Variants in ENOX2 observed in about 807,000 individuals in gnomAD.
The protein encoded by ENOX2 is APK1 antigen.
In ENOX2, 36 loss-of-function variants were observed where a neutral mutation model predicts 45.0. The ratio of observed to expected loss-of-function variants is 0.80; its 90% CI spans 0.61 to 1.06. ENOX2 has a LOEUF of 1.06. Among genes scored for constraint, ENOX2 ranks in the 50% least tolerant of loss-of-function variants. The probability of loss-of-function intolerance (pLI) is 0.00; values close to 1 mark genes in which losing one functional copy is unlikely to be tolerated. For synonymous variants in ENOX2, 174 were observed against 152.3 expected (o/e 1.14, Z -1.05); for missense variants, 423 against 462.5 (o/e 0.91, Z 0.78).
chrX:130,763,972 G>A (rs2039555412), intron 3 of ENOX2, among the ~76,000 whole-genome samples: 1 of 110,737 alleles, frequency 9.0e-6, no homozygotes, highest in Non-Finnish European at 1.9e-5. Flanking sequence ...AAGAGCGTAC[G>A]CTTTTGTTGG....
At chrX:130,725,717 T>A (rs16999756) in intron 3 of ENOX2, among the ~76,000 whole-genome samples, 12,052 of 110,424 alleles carry the variant, frequency 0.11, 1,255 homozygotes, top group African/African-American at 0.32. Flanking sequence ...GTTTGCAGGA[T>A]TACTAGTGAA....
At chrX:130,693,913 C>T (rs1405840504) in intron 4 of ENOX2, among the ~76,000 whole-genome samples, 1 of 111,757 alleles carries the variant, frequency 8.9e-6, no homozygotes, top group Non-Finnish European at 1.9e-5. Flanking sequence ...AGGCTGACTA[C>T]CCTGCTAGAG....
intron 4 of ENOX2, among the ~76,000 whole-genome samples, chrX:130,700,757 C>A (rs1282055247): frequency 1.8e-5 from 2 of 111,546 alleles, no homozygotes; most frequent in Non-Finnish European, 3.8e-5. Context: ...CCACAGTAAT[C>A]CTGTGAGCTA....
At chrX:130,822,357 G>A (rs915901024) in intron 2 of ENOX2, among the ~76,000 whole-genome samples, 21 of 112,013 alleles carry the variant, frequency 1.9e-4, no homozygotes, top group Non-Finnish European at 3.6e-4. Context: ...GATATTTTCC[G>A]AGGCTAGCAA....
intron 12 of ENOX2, 123 bp downstream of exon 12, chrX:130,634,861 T>C (rs758502882): frequency 7.6e-5 from 33 of 436,040 alleles, no homozygotes; most frequent in African/African-American, 7.3e-4. Flanking sequence ...GGGCTTTTAA[T>C]TCCCAATCGG....
At chrX:130,665,860 T>C (rs2036822064) in intron 8 of ENOX2, 111 bp from the exon 9 acceptor site, 5 of 502,487 alleles carry the variant, frequency 1.0e-5, no homozygotes, top group Middle Eastern at 1.1e-3. Flanking sequence ...TTGTATCTTG[T>C]TGTTATGACA....
chrX:130,804,280 T>G (rs1356994445), intron 2 of ENOX2, among the ~76,000 whole-genome samples: 1 of 112,080 alleles, frequency 8.9e-6, no homozygotes, highest in Non-Finnish European at 1.9e-5. Flanking sequence ...ATACTTATAT[T>G]TAGTGTCTTA....
intron 2 of ENOX2, among the ~76,000 whole-genome samples, chrX:130,792,779 G>A (rs1006787438): frequency 8.9e-6 from 1 of 111,816 alleles, no homozygotes; most frequent in African/African-American, 3.3e-5. Flanking sequence ...GGCTGACAGA[G>A]CAAGGCTCCA....
At chrX:130,654,338 T>C (rs1205516475) in intron 10 of ENOX2, among the ~76,000 whole-genome samples, 3 of 110,383 alleles carry the variant, frequency 2.7e-5, no homozygotes, top group African/African-American at 9.9e-5. Flanking sequence ...CAAGGAAAGA[T>C]AACTGAGACT....
At chrX:130,891,491 T>G (rs1476209504) in intron 2 of ENOX2, among the ~76,000 whole-genome samples, 2 of 40,511 alleles carry the variant, frequency 4.9e-5, no homozygotes, top group Non-Finnish European at 7.7e-5. Flanking sequence ...CACTATATGG[T>G]TTTTTTTTTT....
chrX:130,886,008 C>T (rs184392466), intron 2 of ENOX2, among the ~76,000 whole-genome samples: 271 of 112,209 alleles, frequency 2.4e-3, no homozygotes, highest in Non-Finnish European at 3.8e-3. Flanking sequence ...CTTAGCAGAA[C>T]CAACCAACCA....
chrX:130,865,039 G>T (rs2078470712), intron 2 of ENOX2, among the ~76,000 whole-genome samples: 1 of 26,822 alleles, frequency 3.7e-5, no homozygotes, highest in South Asian at 3.4e-3. Flanking sequence ...ATTGGACACA[G>T]ATTTTTTTTT....
At chrX:130,805,822 A>C (rs1603354289) in intron 2 of ENOX2, among the ~76,000 whole-genome samples, 1 of 112,099 alleles carries the variant, frequency 8.9e-6, no homozygotes, top group East Asian at 2.8e-4. Context: ...TCAGAAGCAA[A>C]GTTTGACTCT....
At chrX:130,827,807 A>C (rs2077747376) in intron 2 of ENOX2, among the ~76,000 whole-genome samples, 1 of 111,868 alleles carries the variant, frequency 8.9e-6, no homozygotes, top group African/African-American at 3.2e-5. Flanking sequence ...AAGTTTGATG[A>C]TGATGGTGAA....
At chrX:130,755,667 A>C in intron 3 of ENOX2, among the ~76,000 whole-genome samples, 2 of 111,047 alleles carry the variant, frequency 1.8e-5, no homozygotes, top group Middle Eastern at 9.3e-3. Context: ...GATGCAATGC[A>C]TAATAATCAC....
chrX:130,826,157 G>A (rs1257213756), intron 2 of ENOX2, among the ~76,000 whole-genome samples: 2 of 111,028 alleles, frequency 1.8e-5, no homozygotes, highest in Non-Finnish European at 3.8e-5. Flanking sequence ...TTTTATGAAA[G>A]AATAGAGAAG....
At position 130,632,859 on chromosome X, in the gene ENOX2, G is replaced by C. The variant is rs190269453; in HGVS notation, c.1420-1283C>G. On this transcript the variant is annotated intron_variant, in intron 12 of 14. Transcript: ENST00000394363. ...ATCCAGGCAGTAACCATTATGCCAA[G>C]TTTGATTTAAACTACTAGCTCACTT... 4.0e-3 allele frequency among the ~76,000 whole-genome samples: 448 copies of C among 112,157 alleles called. 2 individuals carry two copies. Among genetic ancestry groups the C allele is most frequent in the African/African-American group, 0.014 (421 of 30,905 alleles).
intron 2 of ENOX2, among the ~76,000 whole-genome samples, chrX:130,866,881 A>G (rs1488102462): frequency 9.1e-6 from 1 of 110,026 alleles, no homozygotes; most frequent in African/African-American, 3.3e-5. Flanking sequence ...GTAGTCTACC[A>G]CAGCAGTTCT....
At chrX:130,766,870 T>G (rs1206409171) in intron 3 of ENOX2, among the ~76,000 whole-genome samples, 1 of 112,074 alleles carries the variant, frequency 8.9e-6, no homozygotes, top group Non-Finnish European at 1.9e-5. Context: ...ATGAGGTAGG[T>G]GCTATTTTCT....
Sources: allele counts gnomAD v4.1 joint callset (sites outside exome capture counted in the v4.1 genomes callset), GRCh38; gene constraint gnomAD v4.1.1; transcripts MANE v1.5; gene names NCBI Gene and HGNC (gene_info 2026-07-23, HGNC 2026-07-21).